Variants in DLGAP2 observed in about 807,000 individuals in gnomAD.
DLGAP2 encodes disks large-associated protein 2.
DLGAP2 carries 26 observed loss-of-function variants against 100.3 expected under a neutral mutation model. The observed-to-expected ratio is 0.26, with a 90% CI of 0.19 to 0.36. The LOEUF (loss-of-function observed/expected upper bound fraction) is 0.36. DLGAP2 is among the 10% of genes least tolerant of loss of function. DLGAP2 has a pLI of 1.00. For synonymous variants in DLGAP2, 886 were observed against 630.1 expected (o/e 1.41, Z -6.08); for missense variants, 1,858 against 1,453.2 (o/e 1.28, Z -4.53).
At chr8:1,339,657 TTTTGGCC>T (rs1485836645) in intron 3 of DLGAP2, among the ~76,000 whole-genome samples, 4 of 152,254 alleles carry the variant, frequency 2.6e-5, no homozygotes, top group Non-Finnish European at 5.9e-5. Context: ...CTGTGCATTC[TTTTGGCC>T]ATTGTGACCT....
At chr8:863,522 G>A (rs1044821020) in intron 1 of DLGAP2, among the ~76,000 whole-genome samples, 2 of 152,164 alleles carry the variant, frequency 1.3e-5, no homozygotes, top group Admixed American at 6.5e-5. Flanking sequence ...GATATTAACC[G>A]CTGTCAGATG....
intron 2 of DLGAP2, among the ~76,000 whole-genome samples, chr8:1,201,008 C>G (rs999802431): frequency 4.6e-5 from 7 of 152,160 alleles, no homozygotes; most frequent in African/African-American, 1.7e-4. Context: ...CTCCCCGGAC[C>G]CCACCGTTAG....
intron 2 of DLGAP2, among the ~76,000 whole-genome samples, chr8:1,216,184 T>C (rs1275252897): frequency 6.6e-6 from 1 of 152,236 alleles, no homozygotes; most frequent in Admixed American, 6.5e-5. Flanking sequence ...AGGGGACTAA[T>C]AGCTGCGCTT....
intron 1 of DLGAP2, among the ~76,000 whole-genome samples, chr8:881,637 T>A (rs1797795552): frequency 7.6e-6 from 1 of 132,034 alleles, no homozygotes; most frequent in Non-Finnish European, 1.7e-5. Context: ...GTAGCTGGGA[T>A]TATAGGCGCA....
At chr8:1,441,897 G>C (rs1259631251) in intron 3 of DLGAP2, among the ~76,000 whole-genome samples, 1 of 151,758 alleles carries the variant, frequency 6.6e-6, no homozygotes, top group African/African-American at 2.4e-5. Context: ...CTATCAATGT[G>C]GTCCATATAC....
chr8:772,332 AT>A (rs550719855), intron 1 of DLGAP2, among the ~76,000 whole-genome samples: 4 of 151,142 alleles, frequency 2.6e-5, no homozygotes, highest in African/African-American at 7.3e-5. Context: ...AATATTAATA[AT>A]TTTTTTTGAG....
At chr8:898,342 AC>A (rs1428831261) in intron 1 of DLGAP2, among the ~76,000 whole-genome samples, 1 of 152,116 alleles carries the variant, frequency 6.6e-6, no homozygotes, top group Admixed American at 6.5e-5. Flanking sequence ...CAAATCTCTT[AC>A]AAAGCACACG....
intron 1 of DLGAP2, among the ~76,000 whole-genome samples, chr8:815,949 T>A (rs4132704): frequency 0.25 from 38,195 of 152,166 alleles, 5,245 homozygotes; most frequent in African/African-American, 0.36. Context: ...TAGTCCTTTT[T>A]TCAGTGTATA....
chr8:1,389,188 C>G (rs115305540), intron 3 of DLGAP2, among the ~76,000 whole-genome samples: 1 of 152,064 alleles, frequency 6.6e-6, no homozygotes. Context: ...ACGGGAGGCA[C>G]GTGGACCTCT....
At chr8:1,327,255 C>A (rs1338086930) in intron 3 of DLGAP2, among the ~76,000 whole-genome samples, 2 of 152,234 alleles carry the variant, frequency 1.3e-5, no homozygotes, top group Admixed American at 6.5e-5. Flanking sequence ...AACCAGGGTC[C>A]CTTGGCCAAG....
chr8:1,255,403 C>T (rs1328690899), intron 2 of DLGAP2, among the ~76,000 whole-genome samples: 1 of 137,538 alleles, frequency 7.3e-6, no homozygotes. Flanking sequence ...TGTGTCCTCT[C>T]CTGCCTGGGT....
intron 2 of DLGAP2, among the ~76,000 whole-genome samples, chr8:1,020,705 C>A (rs1801602169): frequency 6.6e-6 from 1 of 152,218 alleles, no homozygotes. Flanking sequence ...CTCAGACTGT[C>A]TTTGGTAAAC....
intron 1 of DLGAP2, among the ~76,000 whole-genome samples, chr8:840,742 C>T (rs563048384): frequency 1.3e-5 from 2 of 151,570 alleles, no homozygotes; most frequent in East Asian, 3.9e-4. Flanking sequence ...TGCACGCCTG[C>T]ACGTTTCCCC....
rs1219272625 is a variant in DLGAP2, at chr8:1,462,507, G to A, written c.107-38859G>A. 5.3e-5 allele frequency among the ~76,000 whole-genome samples: 7 copies of A among 131,062 alleles called. 1 individual carries two copies. Among genetic ancestry groups the A allele is most frequent in the African/African-American group, 8.2e-5 (3 of 36,684 alleles). 86.0% of individuals were successfully genotyped at this position (131,062 alleles called of 152,430 possible). A position where few individuals can be genotyped will look rare whatever the true frequency, so the allele number is the denominator to read the frequency against. On this transcript the variant is annotated intron_variant, in intron 3 of 14. Coordinates refer to ENST00000637795, the MANE Select transcript of DLGAP2 (RefSeq NM_001346810.2). ...TTGGGAGAAGGTGCTGCTGTCACGT[G>A]GGCTGGGTGCAGTCGCTGATTTGGT...
intron 13 of DLGAP2, among the ~76,000 whole-genome samples, chr8:1,695,349 GA>G (rs1336187470): frequency 7.8e-6 from 1 of 127,900 alleles, no homozygotes; most frequent in African/African-American, 3.8e-5. Context: ...CCTACAGAAA[GA>G]GGGGGCACAG....
chr8:932,765 G>A (rs1254740266), intron 2 of DLGAP2, among the ~76,000 whole-genome samples: 1 of 152,080 alleles, frequency 6.6e-6, no homozygotes, highest in African/African-American at 2.4e-5. Context: ...GGAATTCCCT[G>A]TACTGCTTTT....
At chr8:836,812 G>C (rs577449405) in intron 1 of DLGAP2, among the ~76,000 whole-genome samples, 4 of 152,302 alleles carry the variant, frequency 2.6e-5, no homozygotes, top group African/African-American at 7.2e-5. Flanking sequence ...GAGATCTTTT[G>C]TTTCCCTCAT....
rs183786248 is a variant in DLGAP2 at position 1,027,879 on chromosome 8, C to T, written c.73+119913C>T. On this transcript the variant is annotated intron_variant, in intron 2 of 14. Coordinates refer to ENST00000637795, the MANE Select transcript of DLGAP2 (RefSeq NM_001346810.2). The stretch of plus-strand genomic sequence containing the variant: ...TGGGGTGTCAGGCGCCCGTTATTCT[C>T]CAGGTGGGGTGCCAGGCGCCCGTTA... Among the ~76,000 whole-genome samples the T allele has an allele frequency of 6.9e-3, 993 of 143,904 alleles. 2 individuals are homozygous for T. The highest frequency in any genetic ancestry group is 0.025 in the African/African-American group (930 of 37,100). The allele number at this position is 143,904 out of a possible 152,430, so 94.4% of individuals were successfully genotyped here.
chr8:850,633 T>C (rs548541393), intron 1 of DLGAP2, among the ~76,000 whole-genome samples: 2 of 152,302 alleles, frequency 1.3e-5, no homozygotes, highest in Admixed American at 1.3e-4. Flanking sequence ...TGCTTTATTT[T>C]ACCTAGAAGA....
Sources: allele counts gnomAD v4.1 joint callset (sites outside exome capture counted in the v4.1 genomes callset), GRCh38; gene constraint gnomAD v4.1.1; transcripts MANE v1.5; gene names NCBI Gene and HGNC (gene_info 2026-07-23, HGNC 2026-07-21).